The following VPS13A variants were observed in gnomAD, a reference collection of about 807,000 sequenced individuals.
VPS13A encodes vacuolar protein sorting 13 homolog A.
In VPS13A, 264 loss-of-function variants were observed where a neutral mutation model predicts 390.9. That is an observed-to-expected ratio of 0.68 (90% CI 0.61 to 0.75). VPS13A has a LOEUF of 0.75. Ranked by LOEUF, VPS13A falls within the 30% of genes least tolerant of loss-of-function variation. The pLI is 0.00. For missense variants in VPS13A, 3,409 were observed against 3,733.9 expected (o/e 0.91, Z 2.27); for synonymous variants, 1,231 against 1,227.1 (o/e 1.00, Z -0.07).
At chr9:77,270,623 G>A (rs1389613617) in intron 23 of VPS13A, among the ~76,000 whole-genome samples, 3 of 152,056 alleles carry the variant, frequency 2.0e-5, no homozygotes, top group African/African-American at 7.2e-5. Flanking sequence ...CCTGGGAGGC[G>A]GAGGTTGCAG....
Position 77,268,573 on chromosome 9 carries a change from A to G in VPS13A, c.2428-4707A>G, listed in dbSNP as rs150665457. Among the ~76,000 whole-genome samples, 60 of 152,252 alleles carry G rather than the reference A, an allele frequency of 3.9e-4. 1 individual carries two copies. The East Asian group carries it at 0.011, about 28-fold the overall frequency. ...CTGCATTGATATTGCCTGGAGCTGC[A>G]GGTTGGAGTTGTTCATATTCAGCCA... On this transcript the variant is annotated intron_variant, in intron 23 of 71. Transcript: ENST00000360280.
rs1832535062 is a variant in VPS13A at position 77,368,080 on chromosome 9, C to G, written c.8497C>G (p.Gln2833Glu). ...GCTTGCATTTTTTGAACTCAACTAT[C>G]AGTTCCATACAACATCCGATCTACA... ...FKLAFFELNY[Q>E]FHTTSDLQSE... The change falls in exon 62 of 72, where the codon CAG (glutamine) becomes GAG (glutamate). Residue 2833 changes from glutamine to glutamate, a missense_variant. Around this residue, in one of 5 missense-constraint regions of VPS13A, gnomAD observed 123 missense variants for 118.7 expected, o/e 1.04. Transcript: ENST00000360280. 1 of 1,612,244 alleles carries G rather than the reference C, an allele frequency of 6.2e-7. No individual in the cohort carries two copies.
chr9:77,200,963 A>G (rs1274999466), intron 2 of VPS13A, among the ~76,000 whole-genome samples: 1 of 152,166 alleles, frequency 6.6e-6, no homozygotes, highest in East Asian at 1.9e-4. Flanking sequence ...TATTCTTTGA[A>G]TGGGGAGAAC....
At chr9:77,313,564 T>A (rs542220403) in intron 35 of VPS13A, among the ~76,000 whole-genome samples, 1 of 152,346 alleles carries the variant, frequency 6.6e-6, no homozygotes, top group Admixed American at 6.5e-5. Context: ...GAAAACAAAT[T>A]TTGAATTCTT....
rs772836827 is a variant in VPS13A at position 77,308,005 on chromosome 9, T to C, written c.4021T>C (p.Tyr1341His). 1 of 1,607,968 alleles carries C rather than the reference T, an allele frequency of 6.2e-7. No homozygotes were observed. Among genetic ancestry groups the C allele is most frequent in the Admixed American group, 1.7e-5 (1 of 60,004 alleles). The stretch of plus-strand genomic sequence containing the variant: ...TAAAACATTGCATGGCAATATATGG[T>C]ATGAAAAAGATGGTAGTGCCTCACC... ...IFKTLHGNIW[Y>H]EKDGSASPAV... is the part of the protein sequence containing the mutation. The change falls in exon 35 of 72, where the codon TAT (tyrosine) becomes CAT (histidine). Residue 1341 changes from tyrosine to histidine, a missense_variant. Transcript: ENST00000360280.
chr9:77,405,394 G>A (rs962925235), intron 69 of VPS13A, among the ~76,000 whole-genome samples: 2 of 152,198 alleles, frequency 1.3e-5, no homozygotes, highest in African/African-American at 2.4e-5. Flanking sequence ...AATATTGGCT[G>A]ATAGTTGGTT....
chr9:77,383,268 A>G (rs1450959728), intron 68 of VPS13A, among the ~76,000 whole-genome samples: 2 of 152,056 alleles, frequency 1.3e-5, no homozygotes, highest in Non-Finnish European at 2.9e-5. Context: ...AAGTGATTTT[A>G]TACTGTATTT....
chr9:77,197,582 G>A (rs747950568), intron 1 of VPS13A, among the ~76,000 whole-genome samples: 12 of 151,878 alleles, frequency 7.9e-5, no homozygotes, highest in Non-Finnish European at 1.2e-4. Context: ...GGTTGAATAT[G>A]CCTTATCTGA....
At chr9:77,413,027 C>A (rs1433158870) in intron 71 of VPS13A, among the ~76,000 whole-genome samples, 2 of 152,150 alleles carry the variant, frequency 1.3e-5, no homozygotes, top group African/African-American at 2.4e-5. Flanking sequence ...ACATAGGAAT[C>A]CAACTTACAA....
intron 34 of VPS13A, among the ~76,000 whole-genome samples, chr9:77,306,404 G>GTT (rs1461896613): frequency 3.6e-5 from 5 of 140,826 alleles, no homozygotes; most frequent in African/African-American, 1.4e-4. Context: ...GAGAGAGAGT[G>GTT]TGTGTGTGTT....
chr9:77,382,011 C>A lies in VPS13A; in HGVS notation c.9113C>A (p.Pro3038His). ...ACTTCTGAAGTGGAGAGTCTGCGACCTCCTCGGTTCTTCAATGAAGATGGA... is the reference window on the plus strand; with the variant it reads ...ACTTCTGAAGTGGAGAGTCTGCGACATCCTCGGTTCTTCAATGAAGATGGA... ...TETSEVESLR[P>H]PRFFNEDGVI... The change falls in exon 68 of 72, where the codon CCT becomes CAT. Residue 3038 changes from proline to histidine, a missense_variant. Physicochemically the swap from Pro to His is moderately conservative, Grantham distance 77. Coordinates refer to ENST00000360280, the MANE Select transcript of VPS13A (RefSeq NM_033305.3). 1 of 1,607,734 alleles carries A rather than the reference C, an allele frequency of 6.2e-7. No homozygotes were observed. The highest frequency in any genetic ancestry group is 8.5e-7 in the Non-Finnish European group (1 of 1,176,706).
chr9:77,351,424 A>G lies in VPS13A; in HGVS notation c.7397A>G (p.His2466Arg). The G allele has an allele frequency of 1.2e-6, 2 of 1,613,716 alleles. No individual in the cohort carries two copies. Among genetic ancestry groups the G allele is most frequent in the Non-Finnish European group, 1.7e-6 (2 of 1,179,726 alleles). ...RRLKWRCRKS[H>R]GEVTQKDDMM... ...CTGAAGTGGAGATGTAGAAAAAGCC[A>G]TGGTGAAGTAACACAGAAGGATGTA... Residue 2466 changes from histidine (H) to arginine (R), a missense_variant, in exon 53 of 72, where the codon CAT becomes CGT. Around this residue, in one of 5 missense-constraint regions of VPS13A, gnomAD observed 2,717 missense variants for 2,917.4 expected, o/e 0.93. Transcript: ENST00000360280.
chr9:77,362,701 G>T (rs185040497), intron 59 of VPS13A, among the ~76,000 whole-genome samples: 10 of 152,206 alleles, frequency 6.6e-5, no homozygotes, highest in Non-Finnish European at 1.2e-4. Flanking sequence ...AAATCAATTT[G>T]GGAAGTATTG....
intron 67 of VPS13A, among the ~76,000 whole-genome samples, chr9:77,377,347 G>A (rs1389493764): frequency 1.3e-5 from 2 of 150,376 alleles, no homozygotes; most frequent in Non-Finnish European, 3.0e-5. Context: ...AGCCTCCCAA[G>A]TAGCTGGGAC....
rs1192031018 is a variant in VPS13A at position 77,358,358 on chromosome 9, T to G, written c.7955T>G (p.Ile2652Ser). ...SFRIQIYRIQ[I>S]QNQIHGAVFP... ...ACTGATGTGTTTTTATTTTCTTAGA[T>G]CCAAAATCAGATACATGGTGCTGTA... Residue 2652 changes from isoleucine (I) to serine (S), a missense_variant and splice_region_variant, in exon 57 of 72, where the codon ATC (isoleucine) becomes AGC (serine). Transcript: ENST00000360280. 3.7e-6 allele frequency: 6 copies of G among 1,612,406 alleles called. No homozygotes were observed. The highest frequency in any genetic ancestry group is 5.1e-6 in the Non-Finnish European group (6 of 1,178,770).
chr9:77,272,907 G>C (rs1826431190), intron 23 of VPS13A, among the ~76,000 whole-genome samples: 1 of 152,110 alleles, frequency 6.6e-6, no homozygotes, highest in African/African-American at 2.4e-5. Flanking sequence ...ATACCTTTCA[G>C]AGATCAAAAA....
chr9:77,356,231 C>G (rs964569592), intron 54 of VPS13A, among the ~76,000 whole-genome samples: 1 of 152,098 alleles, frequency 6.6e-6, no homozygotes, highest in Non-Finnish European at 1.5e-5. Context: ...GAAATGTTTT[C>G]CTCCTCTTGT....
intron 52 of VPS13A, among the ~76,000 whole-genome samples, chr9:77,346,228 ATC>A (rs1831145296): frequency 6.6e-6 from 1 of 151,938 alleles, no homozygotes; most frequent in Admixed American, 6.6e-5. Context: ...GTAAGGTGGT[ATC>A]TCATTGTGGT....
rs147917689 is a variant in VPS13A, at chr9:77,275,529, T to C, written c.2544T>C (p.Cys848=). 2.7e-5 allele frequency: 44 copies of C among 1,613,758 alleles called. No homozygotes were observed. Among genetic ancestry groups the C allele is most frequent in the Non-Finnish European group, 3.6e-5 (43 of 1,179,852 alleles). The change falls in exon 25 of 72, where the codon TGT becomes TGC. Residue 848 remains cysteine (C), a synonymous_variant. Transcript: ENST00000360280. ...AGGAGGAATTTTTTGATGCACCATG[T>C]AGTCCCTTGGAAGAACCTCTTCAGT... ...DSEEEFFDAP[C]SPLEEPLQFP...
Sources: gnomAD v4.1 joint callset for allele counts (sites outside exome capture counted in the v4.1 genomes callset) on GRCh38, gnomAD v4.1.1 for gene constraint, gnomAD v4.1.1 regional missense constraint, MANE v1.5 for transcripts, NCBI Gene and HGNC (gene_info 2026-07-23, HGNC 2026-07-21) for gene names.